Variants in NRXN1 observed in about 807,000 individuals in gnomAD.
The protein encoded by NRXN1 is neurexin 1.
NRXN1 carries 39 observed loss-of-function variants against 150.9 expected under a neutral mutation model. That is an observed-to-expected ratio of 0.26 (90% CI 0.20 to 0.34). The LOEUF is 0.34. NRXN1 is among the 10% of genes least tolerant of loss of function. The probability of loss-of-function intolerance (pLI) is 1.00; values close to 1 mark genes in which losing one functional copy is unlikely to be tolerated. For synonymous variants in NRXN1, 924 were observed against 757.0 expected (o/e 1.22, Z -3.62); for missense variants, 1,815 against 1,949.9 (o/e 0.93, Z 1.30).
chr2:50,753,853 G>A lies in NRXN1; in HGVS notation c.833-130238C>T, dbSNP rs1332145186. ...TGCTGCAAATTTGTGTGTGTAAAGT[G>A]TGACTGACAAGCCACAAACATAAAT... On this transcript the variant is annotated intron_variant, in intron 5 of 22. Coordinates refer to ENST00000401669, the MANE Select transcript of NRXN1 (RefSeq NM_001330078.2). Among the ~76,000 whole-genome samples the A allele has an allele frequency of 3.3e-5, 5 of 150,838 alleles. No homozygotes were observed. The Admixed American group carries it at 3.3e-4, about 10-fold the overall frequency.
chr2:50,481,241 T>TA (rs2090435309), intron 15 of NRXN1, among the ~76,000 whole-genome samples: 1 of 152,182 alleles, frequency 6.6e-6, no homozygotes, highest in African/African-American at 2.4e-5. Context: ...TACTACAACA[T>TA]ACAGGAAATT....
chr2:50,645,785 C>A (rs1280668072), intron 5 of NRXN1, among the ~76,000 whole-genome samples: 1 of 151,858 alleles, frequency 6.6e-6, no homozygotes, highest in African/African-American at 2.4e-5. Flanking sequence ...AAGAAAAAAT[C>A]CAGCTTGATT....
chr2:50,332,641 T>C (rs2076909354), intron 17 of NRXN1, among the ~76,000 whole-genome samples: 1 of 152,226 alleles, frequency 6.6e-6, no homozygotes, highest in Admixed American at 6.5e-5. Flanking sequence ...TTGTGAAGAA[T>C]CAGATGCTGT....
chr2:50,845,345 T>C (rs930346864), intron 5 of NRXN1, among the ~76,000 whole-genome samples: 3 of 152,170 alleles, frequency 2.0e-5, no homozygotes, highest in South Asian at 2.1e-4. Flanking sequence ...AATTAGAATA[T>C]ACTGTCACTC....
intron 17 of NRXN1, among the ~76,000 whole-genome samples, chr2:50,441,636 C>T (rs1016136243): frequency 5.3e-5 from 8 of 152,032 alleles, no homozygotes; most frequent in African/African-American, 1.7e-4. Flanking sequence ...AACAACAAAT[C>T]GTCTGTATAA....
At chr2:50,760,775 T>C (rs1050337763) in intron 5 of NRXN1, among the ~76,000 whole-genome samples, 3 of 151,896 alleles carry the variant, frequency 2.0e-5, no homozygotes, top group African/African-American at 7.2e-5. Flanking sequence ...GATGGGAACA[T>C]GAAAACTCCG....
intron 17 of NRXN1, among the ~76,000 whole-genome samples, chr2:50,305,664 G>A (rs1224391233): frequency 1.3e-5 from 2 of 152,114 alleles, no homozygotes; most frequent in African/African-American, 4.8e-5. Context: ...TTGCTAATAA[G>A]CATAGATCAC....
intron 18 of NRXN1, among the ~76,000 whole-genome samples, chr2:50,163,852 C>A (rs1164937122): frequency 6.6e-6 from 1 of 152,152 alleles, no homozygotes; most frequent in African/African-American, 2.4e-5. Flanking sequence ...GAACCAAGTT[C>A]ATAAGCAAGA....
chr2:50,995,863 C>A (rs1335074982), intron 2 of NRXN1, among the ~76,000 whole-genome samples: 1 of 152,066 alleles, frequency 6.6e-6, no homozygotes, highest in Non-Finnish European at 1.5e-5. Flanking sequence ...ATGCTTTAAT[C>A]TCCAGCTGTC....
chr2:50,285,836 T>A (rs578018892), intron 17 of NRXN1, among the ~76,000 whole-genome samples: 1 of 151,392 alleles, frequency 6.6e-6, no homozygotes, highest in Non-Finnish European at 1.5e-5. Context: ...GGAGTTTCAT[T>A]TGACAGTGTA....
chr2:50,782,578 C>T (rs1375629656), intron 5 of NRXN1, among the ~76,000 whole-genome samples: 1 of 151,998 alleles, frequency 6.6e-6, no homozygotes, highest in Non-Finnish European at 1.5e-5. Flanking sequence ...AGTGTGCTAA[C>T]AAAGAACCCA....
chr2:50,001,562 C>T, intron 21 of NRXN1, among the ~76,000 whole-genome samples: 1 of 152,104 alleles, frequency 6.6e-6, no homozygotes, highest in East Asian at 1.9e-4. Flanking sequence ...TGCTGCTGCC[C>T]AGCTGCGTGC....
chr2:50,707,390 G>T (rs1443414426), intron 5 of NRXN1, among the ~76,000 whole-genome samples: 1 of 152,178 alleles, frequency 6.6e-6, no homozygotes, highest in Admixed American at 6.5e-5. Flanking sequence ...GAAAAGTGCA[G>T]TGCTGGTTCT....
intron 17 of NRXN1, among the ~76,000 whole-genome samples, chr2:50,243,500 C>T (rs1333815719): frequency 6.6e-6 from 1 of 151,740 alleles, no homozygotes; most frequent in Admixed American, 6.6e-5. Flanking sequence ...CTGAGCAAGA[C>T]AGGGAGACTC....
intron 22 of NRXN1, among the ~76,000 whole-genome samples, chr2:49,933,033 A>G (rs1572909290): frequency 6.6e-6 from 1 of 152,126 alleles, no homozygotes; most frequent in African/African-American, 2.4e-5. Context: ...TCCTGTGTTA[A>G]GTGTAAAAAC....
At chr2:50,651,063 G>A (rs1685543521) in intron 5 of NRXN1, among the ~76,000 whole-genome samples, 1 of 151,866 alleles carries the variant, frequency 6.6e-6, no homozygotes, top group Non-Finnish European at 1.5e-5. Context: ...TTAAGCACAG[G>A]TTCTTTTAAT....
chr2:50,919,208 A>C (rs1309766867), intron 5 of NRXN1: 1 of 151,774 alleles, frequency 6.6e-6, no homozygotes, highest in Non-Finnish European at 1.5e-5. Context: ...ACACATGATA[A>C]GGGATTTTGC....
intron 18 of NRXN1, among the ~76,000 whole-genome samples, chr2:50,205,599 G>C (rs1169835520): frequency 6.6e-6 from 1 of 151,998 alleles, no homozygotes; most frequent in Non-Finnish European, 1.5e-5. Flanking sequence ...GTGGAGAATG[G>C]AAGAAAACTG....
At chr2:50,402,309 T>C (rs2082442676) in intron 17 of NRXN1, among the ~76,000 whole-genome samples, 1 of 152,032 alleles carries the variant, frequency 6.6e-6, no homozygotes, top group Admixed American at 6.6e-5. Context: ...TTTTAAATGG[T>C]AGACTTATTT....
Sources: gnomAD v4.1 joint callset for allele counts (sites outside exome capture counted in the v4.1 genomes callset) on GRCh38, gnomAD v4.1.1 for gene constraint, MANE v1.5 for transcripts, NCBI Gene and HGNC (gene_info 2026-07-23, HGNC 2026-07-21) for gene names.